Variants in SNX13 observed in about 807,000 individuals in gnomAD.
SNX13 encodes sorting nexin 13, also known as sorting nexin-13.
A neutral mutation model predicts 133.6 loss-of-function variants in SNX13; 45 were observed. The observed-to-expected ratio is 0.34, with a 90% confidence interval of 0.27 to 0.43. The LOEUF is 0.43. SNX13 is among the 20% of genes least tolerant of loss of function. The probability of loss-of-function intolerance (pLI) is 1.00; values close to 1 mark genes in which losing one functional copy is unlikely to be tolerated. For missense variants in SNX13, 1,032 were observed against 1,145.1 expected (o/e 0.90, Z 1.43); for synonymous variants, 414 against 373.9 (o/e 1.11, Z -1.24).
chr7:17,939,633 G>C (rs1802541307), intron 1 of SNX13, among the ~76,000 whole-genome samples: 1 of 152,238 alleles, frequency 6.6e-6, no homozygotes, highest in Non-Finnish European at 1.5e-5. Flanking sequence ...CTATTCCATA[G>C]GGAGTAACAA....
chr7:17,868,238 C>T (rs1196210440), intron 9 of SNX13, 169 bp downstream of exon 9: 21 of 572,624 alleles, frequency 3.7e-5, no homozygotes, highest in Non-Finnish European at 6.3e-5. Context: ...TTGGCCAACA[C>T]ATTCAAAATA....
In SNX13 at chr7:17,875,863, T is replaced by C; in HGVS notation, c.441-73A>G. The stretch of plus-strand genomic sequence containing the variant: ...GAAAATATAAATTCATTTTAATGAC[T>C]ACTGACAAACAACATGATTATCTGA... On this transcript the variant is annotated intron_variant, in intron 5 of 25. Coordinates refer to ENST00000428135, the MANE Select transcript of SNX13 (RefSeq NM_015132.5). The C allele has an allele frequency of 3.3e-6, 4 of 1,222,488 alleles. No homozygotes were observed. In the South Asian group the frequency reaches 6.6e-5, roughly 20 times the overall value. The allele number at this position is 1,222,488 out of a possible 1,614,324, so 75.7% of individuals were successfully genotyped here. A position where few individuals can be genotyped will look rare whatever the true frequency, so the allele number is the denominator to read the frequency against.
chr7:17,841,600 G>C (rs1216405539), intron 12 of SNX13, among the ~76,000 whole-genome samples: 1 of 97,446 alleles, frequency 1.0e-5, no homozygotes, highest in Non-Finnish European at 2.2e-5. Flanking sequence ...ACACCCCAAG[G>C]CATACAAAGT....
At chr7:17,867,309 A>C (rs1466809793) in intron 9 of SNX13, among the ~76,000 whole-genome samples, 2 of 152,148 alleles carry the variant, frequency 1.3e-5, no homozygotes, top group East Asian at 3.9e-4. Flanking sequence ...TGCAACAACA[A>C]AAATAAAACA....
At chr7:17,870,122 T>G (rs1793902159) in intron 8 of SNX13, among the ~76,000 whole-genome samples, 1 of 152,072 alleles carries the variant, frequency 6.6e-6, no homozygotes, top group Non-Finnish European at 1.5e-5. Flanking sequence ...TCCACATAAT[T>G]CCTACTTTAA....
intron 12 of SNX13, among the ~76,000 whole-genome samples, chr7:17,840,446 TAAG>T (rs1789738472): frequency 6.6e-6 from 1 of 151,934 alleles, no homozygotes; most frequent in South Asian, 2.1e-4. Context: ...GTAATAGCAA[TAAG>T]ATCTAAATTA....
At chr7:17,925,629 T>C (rs1800659124) in intron 1 of SNX13, among the ~76,000 whole-genome samples, 1 of 152,212 alleles carries the variant, frequency 6.6e-6, no homozygotes, top group Non-Finnish European at 1.5e-5. Context: ...AGGGCAATTT[T>C]GCTCCCCATG....
intron 20 of SNX13, among the ~76,000 whole-genome samples, chr7:17,811,996 T>C (rs747690866): frequency 1.3e-5 from 2 of 151,876 alleles, no homozygotes; most frequent in Non-Finnish European, 2.9e-5. Context: ...AAAAATTAAC[T>C]CAACATGGAT....
intron 20 of SNX13, among the ~76,000 whole-genome samples, chr7:17,809,784 T>C (rs373209445): frequency 6.6e-6 from 1 of 152,134 alleles, no homozygotes; most frequent in Non-Finnish European, 1.5e-5. Context: ...CAGACCACAG[T>C]GCAATCAAAT....
intron 9 of SNX13, 70 bp from the exon 10 acceptor site, chr7:17,851,034 T>A: frequency 6.8e-7 from 1 of 1,478,906 alleles, no homozygotes; most frequent in Non-Finnish European, 9.1e-7. Context: ...GAATCTTGAG[T>A]GCCTACTATG....
At chr7:17,807,988 CGAA>C (rs1785518623) in intron 20 of SNX13, among the ~76,000 whole-genome samples, 1 of 152,074 alleles carries the variant, frequency 6.6e-6, no homozygotes, top group African/African-American at 2.4e-5. Flanking sequence ...GATAAATTCA[CGAA>C]GAAGAGGAAA....
intron 19 of SNX13, 36 bp downstream of exon 19, chr7:17,816,146 A>G (rs1183109495): frequency 6.7e-7 from 1 of 1,500,608 alleles, no homozygotes. Flanking sequence ...GCTATATTAA[A>G]TGAAAATCTG....
At chr7:17,832,710 A>G (rs1788647471) in intron 15 of SNX13, among the ~76,000 whole-genome samples, 2 of 151,476 alleles carry the variant, frequency 1.3e-5, no homozygotes, top group African/African-American at 4.8e-5. Flanking sequence ...TTTTTAAAAA[A>G]TCTTCCTTAA....
intron 11 of SNX13, among the ~76,000 whole-genome samples, chr7:17,847,786 C>G (rs1489268109): frequency 2.6e-5 from 4 of 152,154 alleles, no homozygotes; most frequent in African/African-American, 7.2e-5. Flanking sequence ...ACAAAAAATG[C>G]TCTCATCAGA....
chr7:17,796,919 C>T lies in SNX13; in HGVS notation c.2534G>A (p.Gly845Asp), dbSNP rs1583439676. 6.2e-7 allele frequency: 1 copy of T among 1,610,178 alleles called. No individual in the cohort carries two copies. Among genetic ancestry groups the T allele is most frequent in the African/African-American group, 1.3e-5 (1 of 74,880 alleles). ...KRFRDAFWPN[G>D]ILAEAVPCRD... ...GCATGGAACAGCCTCTGCTAAAATG[C>T]CATTTGGCCAAAATGCATCTCTATT... Residue 845 changes from glycine to aspartate, a missense_variant, in exon 25 of 26, where the codon GGC becomes GAC. Coordinates refer to ENST00000428135, the MANE Select transcript of SNX13 (RefSeq NM_015132.5).
Position 17,873,574 on chromosome 7 carries a change from A to G in SNX13, c.707T>C (p.Leu236Pro). 1.3e-6 allele frequency: 2 copies of G among 1,586,418 alleles called. No individual in the cohort carries two copies. Among genetic ancestry groups the G allele is most frequent in the Non-Finnish European group, 1.7e-6 (2 of 1,166,598 alleles). ...CTTGTTCTGGAAATCTCCAGGAGGTAGCAATAAATATAGTAAGACCTCACA... is the reference window on the plus strand; with the variant it reads ...CTTGTTCTGGAAATCTCCAGGAGGTGGCAATAAATATAGTAAGACCTCACA... Reference protein sequence around the residue: ...DLCEVLLYLLLPPGDFQNKIM... With the variant: ...DLCEVLLYLLPPPGDFQNKIM... Residue 236 changes from leucine to proline, a missense_variant, in exon 8 of 26, where the codon CTA becomes CCA. Physicochemically the swap from Leu to Pro is moderately conservative, Grantham distance 98. Transcript: ENST00000428135.
At chr7:17,853,536 A>G (rs952042437) in intron 9 of SNX13, among the ~76,000 whole-genome samples, 1 of 152,254 alleles carries the variant, frequency 6.6e-6, no homozygotes, top group African/African-American at 2.4e-5. Context: ...AACAATTTTT[A>G]AAGTACTAAA....
At chr7:17,868,247 T>C (rs934563716) in intron 9 of SNX13, 160 bp downstream of exon 9, 2 of 609,966 alleles carry the variant, frequency 3.3e-6, no homozygotes, top group South Asian at 2.3e-5. Context: ...ACATTCAAAA[T>C]ATAAGCAAAT....
chr7:17,917,850 G>A (rs568867766), intron 1 of SNX13, among the ~76,000 whole-genome samples: 19 of 152,120 alleles, frequency 1.2e-4, no homozygotes, highest in Admixed American at 1.1e-3. Flanking sequence ...GCAATCCCAA[G>A]CAAAAGAAAA....
Sources: gnomAD v4.1 joint callset for allele counts (sites outside exome capture counted in the v4.1 genomes callset) on GRCh38, gnomAD v4.1.1 for gene constraint, MANE v1.5 for transcripts, NCBI Gene and HGNC (gene_info 2026-07-23, HGNC 2026-07-21) for gene names.